DDX10: variants seen among roughly 807,000 people sequenced by gnomAD.
The protein encoded by DDX10 is probable ATP-dependent RNA helicase DDX10.
Under a neutral mutation model 104.3 loss-of-function variants are expected in DDX10, and 74 were observed. The observed-to-expected ratio is 0.71, with a 90% CI of 0.59 to 0.86. DDX10 has a LOEUF of 0.86. DDX10 is among the 40% of genes least tolerant of loss of function. The probability of loss-of-function intolerance (pLI) is 0.00; values close to 1 mark genes in which losing one functional copy is unlikely to be tolerated. For missense variants in DDX10, 952 were observed against 1,040.0 expected, an observed-to-expected ratio of 0.92 and a Z score of 1.16; for synonymous variants, 351 against 353.4, an observed-to-expected ratio of 0.99 and a Z score of 0.08.
chr11:108,692,293 AGG>A (rs905283246), intron 8 of DDX10, among the ~76,000 whole-genome samples: 2 of 152,188 alleles, frequency 1.3e-5, no homozygotes, highest in African/African-American at 4.8e-5. Flanking sequence ...ACAAAATCAA[AGG>A]GGGTTAAAAG....
intron 16 of DDX10, among the ~76,000 whole-genome samples, chr11:108,891,001 TTG>T (rs952961571): frequency 1.3e-5 from 2 of 152,140 alleles, no homozygotes; most frequent in African/African-American, 2.4e-5. Flanking sequence ...GAGACCATTT[TTG>T]TGTGTGTCTA....
intron 13 of DDX10, among the ~76,000 whole-genome samples, chr11:108,765,391 A>G (rs2094355294): frequency 6.6e-6 from 1 of 152,208 alleles, no homozygotes; most frequent in Non-Finnish European, 1.5e-5. Flanking sequence ...CACATACTGT[A>G]GTAGTTTTAG....
chr11:108,939,176 G>C (rs1364283871), intron 17 of DDX10, among the ~76,000 whole-genome samples: 2 of 152,074 alleles, frequency 1.3e-5, no homozygotes, highest in African/African-American at 4.8e-5. Flanking sequence ...TTAACTAAAG[G>C]TCTGACTGTG....
intron 16 of DDX10, among the ~76,000 whole-genome samples, chr11:108,903,301 A>G (rs1019882040): frequency 6.6e-6 from 1 of 152,094 alleles, no homozygotes; most frequent in Admixed American, 6.6e-5. Context: ...ATATAAGTGG[A>G]TTCATGCAAT....
intron 13 of DDX10, among the ~76,000 whole-genome samples, chr11:108,835,328 C>T (rs1862539291): frequency 6.6e-6 from 1 of 152,152 alleles, no homozygotes; most frequent in South Asian, 2.1e-4. Context: ...AGTTTAGAGC[C>T]TTTTGCCACC....
At chr11:108,675,241 A>C (rs1395954601) in intron 2 of DDX10, among the ~76,000 whole-genome samples, 1 of 152,170 alleles carries the variant, frequency 6.6e-6, no homozygotes, top group Non-Finnish European at 1.5e-5. Context: ...AATACTTTTC[A>C]AAGTAGTGGT....
intron 16 of DDX10, among the ~76,000 whole-genome samples, chr11:108,899,014 C>T (rs1863478763): frequency 6.6e-6 from 1 of 152,194 alleles, no homozygotes. Context: ...TCAAGCAAGC[C>T]ACCAGAAATC....
intron 16 of DDX10, among the ~76,000 whole-genome samples, chr11:108,915,558 A>C (rs989347789): frequency 7.2e-5 from 11 of 151,968 alleles, no homozygotes; most frequent in African/African-American, 2.7e-4. Flanking sequence ...TGCATAATCT[A>C]TGTAATTCAG....
intron 16 of DDX10, among the ~76,000 whole-genome samples, chr11:108,885,176 A>G (rs1166844515): frequency 2.0e-5 from 3 of 152,144 alleles, no homozygotes; most frequent in African/African-American, 7.2e-5. Flanking sequence ...GTAAGCTTCC[A>G]AATGGCCTTC....
intron 17 of DDX10, among the ~76,000 whole-genome samples, chr11:108,927,975 T>C (rs2134673041): frequency 6.6e-6 from 1 of 152,312 alleles, no homozygotes; most frequent in East Asian, 1.9e-4. Context: ...GTTCTGATTA[T>C]TGTGTCCTCG....
chr11:108,704,787 T>C (rs1009915662), intron 9 of DDX10, among the ~76,000 whole-genome samples: 1 of 152,178 alleles, frequency 6.6e-6, no homozygotes, highest in African/African-American at 2.4e-5. Flanking sequence ...AAGTAGTAAA[T>C]TGTATGTTCA....
chr11:108,683,736 T>C (rs570098243), intron 6 of DDX10, among the ~76,000 whole-genome samples: 12 of 152,232 alleles, frequency 7.9e-5, no homozygotes, highest in Non-Finnish European at 1.2e-4. Context: ...TTAAATACTT[T>C]CATATCAAAG....
rs551206754 is a variant in DDX10 at position 108,760,952 on chromosome 11, T to C, written c.1965+37490T>C. 1.1e-4 allele frequency among the ~76,000 whole-genome samples: 17 copies of C among 152,180 alleles called. No homozygotes were observed. The East Asian group carries it at 3.3e-3, about 29-fold the overall frequency. ...TTTCAAAGGTGGAAGAGTGAATAAG[T>C]ATAGTAATTCAGTCACTAAGCACGC... On this transcript the variant is annotated intron_variant, in intron 13 of 17. Coordinates refer to ENST00000322536, the MANE Select transcript of DDX10 (RefSeq NM_004398.4).
intron 9 of DDX10, among the ~76,000 whole-genome samples, chr11:108,698,664 C>G (rs2094263215): frequency 6.6e-6 from 1 of 152,166 alleles, no homozygotes; most frequent in African/African-American, 2.4e-5. Context: ...GGTGCCCCCA[C>G]TTTATTCTCC....
At chr11:108,928,706 C>T (rs1346925286) in intron 17 of DDX10, among the ~76,000 whole-genome samples, 1 of 152,058 alleles carries the variant, frequency 6.6e-6, no homozygotes, top group Non-Finnish European at 1.5e-5. Flanking sequence ...TTTTACCTTG[C>T]AAAGTTACTG....
intron 13 of DDX10, among the ~76,000 whole-genome samples, chr11:108,772,666 AG>A (rs2094364781): frequency 6.6e-6 from 1 of 152,258 alleles, no homozygotes; most frequent in South Asian, 2.1e-4. Flanking sequence ...GTTAGGAACC[AG>A]GCCACACAGC....
Position 108,937,520 on chromosome 11 carries a change from A to G in DDX10, c.2451-2726A>G, listed in dbSNP as rs373925676. On this transcript the variant is annotated intron_variant, in intron 17 of 17. Coordinates refer to ENST00000322536, the MANE Select transcript of DDX10 (RefSeq NM_004398.4). ...TTCCAATGTTGTATCTTGTTTTCTT[A>G]ATTATTAGCAATGAGTGAGTTGTTT... Among the ~76,000 whole-genome samples the G allele has an allele frequency of 3.9e-5, 6 of 152,336 alleles. No homozygotes were observed. The East Asian group carries it at 9.6e-4, about 24-fold the overall frequency.
intron 16 of DDX10, among the ~76,000 whole-genome samples, chr11:108,876,872 T>TA (rs1863160001): frequency 6.6e-6 from 1 of 152,198 alleles, no homozygotes; most frequent in Non-Finnish European, 1.5e-5. Context: ...TTGAAGTTTT[T>TA]AGAGAGATTT....
chr11:108,908,148 A>G (rs1340786514), intron 16 of DDX10, among the ~76,000 whole-genome samples: 1 of 152,210 alleles, frequency 6.6e-6, no homozygotes, highest in Non-Finnish European at 1.5e-5. Context: ...CCTAGGATTT[A>G]TAGCTTGGGG....
Sources: allele counts gnomAD v4.1 joint callset (sites outside exome capture counted in the v4.1 genomes callset), GRCh38; gene constraint gnomAD v4.1.1; transcripts MANE v1.5; gene names NCBI Gene and HGNC (gene_info 2026-07-23, HGNC 2026-07-21).